The following B3GALT1 variants were observed in gnomAD, a reference collection of about 807,000 sequenced individuals.
The protein encoded by B3GALT1 is UDP-Gal:betaGlcNAc beta 1,3-galactosyltransferase, polypeptide 1.
In B3GALT1, 10 loss-of-function variants were observed where a neutral mutation model predicts 23.2. The observed-to-expected ratio is 0.43, with a 90% CI of 0.27 to 0.73. B3GALT1 has a LOEUF of 0.73. B3GALT1 is among the 30% of genes least tolerant of loss of function. The pLI, the probability that B3GALT1 is intolerant of heterozygous loss-of-function variation, is 0.21. For missense variants in B3GALT1, 299 were observed against 405.4 expected (o/e 0.74, Z 2.25); for synonymous variants, 156 against 141.5 (o/e 1.10, Z -0.73).
In B3GALT1 at chr2:167,512,582, A is replaced by ATATATATATG. The variant is rs1558887759; in HGVS notation, c.-410+22307_-410+22316dup. The stretch of plus-strand genomic sequence containing the variant: ...TATATATATATGTATATATATATGT[A>ATATATATATG]TATATATATGTGTATATATATATAT... On this transcript the variant is annotated intron_variant, in intron 2 of 4. Transcript: ENST00000392690. 1.1e-4 allele frequency among the ~76,000 whole-genome samples: 8 copies of ATATATATATG among 75,346 alleles called. 1 individual carries two copies. The highest frequency in any genetic ancestry group is 5.0e-4 in the African/African-American group (8 of 15,924). 49.4% of individuals were successfully genotyped at this position (75,346 alleles called of 152,430 possible). A position where few individuals can be genotyped will look rare whatever the true frequency, so the allele number is the denominator to read the frequency against.
rs117435348 is a variant in B3GALT1 at position 167,418,387 on chromosome 2, T to G, written c.-510-71790T>G. ...TCTTAGGGGAAGCAGAGGTAGGGGC[T>G]TAAGGCATGTGTGGGGAAAGGATGA... On this transcript the variant is annotated intron_variant, in intron 1 of 4. Coordinates refer to ENST00000392690, the MANE Select transcript of B3GALT1 (RefSeq NM_020981.4). Among the ~76,000 whole-genome samples the G allele has an allele frequency of 4.8e-3, 724 of 152,078 alleles. 6 individuals carry two copies. Among genetic ancestry groups the G allele is most frequent in the East Asian group, 0.017 (90 of 5,152 alleles).
rs187721465 is a variant in B3GALT1 at position 167,545,219 on chromosome 2, T to G, written c.-410+54942T>G. On this transcript the variant is annotated intron_variant, in intron 2 of 4. Coordinates refer to ENST00000392690, the MANE Select transcript of B3GALT1 (RefSeq NM_020981.4). ...CCGGCTAATTTTTTTGTATTTTTAG[T>G]AGAGACAGGGTTTCACTGTGTTAGC... 1.0e-3 allele frequency among the ~76,000 whole-genome samples: 154 copies of G among 151,818 alleles called. 1 individual carries two copies. Among genetic ancestry groups the G allele is most frequent in the African/African-American group, 3.6e-3 (148 of 41,390 alleles).
At chr2:167,501,295 C>T (rs1372086915) in intron 2 of B3GALT1, among the ~76,000 whole-genome samples, 1 of 151,268 alleles carries the variant, frequency 6.6e-6, no homozygotes, top group African/African-American at 2.4e-5. Flanking sequence ...TATTAAATAG[C>T]AAATGAAAGC....
intron 1 of B3GALT1, among the ~76,000 whole-genome samples, chr2:167,372,651 T>A (rs1697704625): frequency 6.6e-6 from 1 of 151,884 alleles, no homozygotes; most frequent in South Asian, 2.1e-4. Context: ...AGTTGAAAAA[T>A]TAGCATACAA....
At chr2:167,522,199 G>A (rs143419257) in intron 2 of B3GALT1, among the ~76,000 whole-genome samples, 171 of 151,838 alleles carry the variant, frequency 1.1e-3, no homozygotes, top group African/African-American at 3.9e-3. Context: ...TTTTGGTATC[G>A]TTAATAAAGT....
At chr2:167,596,081 G>C (rs980109683) in intron 2 of B3GALT1, among the ~76,000 whole-genome samples, 3 of 152,176 alleles carry the variant, frequency 2.0e-5, no homozygotes, top group African/African-American at 7.2e-5. Flanking sequence ...GGTCTCCCGA[G>C]GAGAGAAATT....
intron 3 of B3GALT1, among the ~76,000 whole-genome samples, chr2:167,792,708 T>G (rs1688457310): frequency 6.6e-6 from 1 of 152,096 alleles, no homozygotes; most frequent in South Asian, 2.1e-4. Context: ...GGAAAAATAA[T>G]GGGATTTAGT....
chr2:167,498,700 A>C (rs888951308), intron 2 of B3GALT1, among the ~76,000 whole-genome samples: 4 of 152,182 alleles, frequency 2.6e-5, no homozygotes, highest in Admixed American at 6.5e-5. Flanking sequence ...GGTAGGAGTC[A>C]TCTGGAATTT....
rs16853691 is a variant in B3GALT1, at chr2:167,515,378, C to G, written c.-410+25101C>G. Among the ~76,000 whole-genome samples the G allele has an allele frequency of 5.3e-3, 807 of 152,212 alleles. 4 individuals carry two copies. Among genetic ancestry groups the G allele is most frequent in the African/African-American group, 0.016 (654 of 41,568 alleles). On this transcript the variant is annotated intron_variant, in intron 2 of 4. Transcript: ENST00000392690. Reference sequence around the variant, plus strand: ...AACAAATACTTCAGATGGAGAAGGTCTTTACTTCAAATTGTCCTCCTATTT... The same window carrying G: ...AACAAATACTTCAGATGGAGAAGGTGTTTACTTCAAATTGTCCTCCTATTT...
chr2:167,450,325 G>T (rs917844431), intron 1 of B3GALT1, among the ~76,000 whole-genome samples: 3 of 151,860 alleles, frequency 2.0e-5, no homozygotes, highest in African/African-American at 7.3e-5. Context: ...ATCTTGGAGG[G>T]TTGTATATTT....
At chr2:167,484,503 A>T (rs906109049) in intron 1 of B3GALT1, among the ~76,000 whole-genome samples, 1 of 152,152 alleles carries the variant, frequency 6.6e-6, no homozygotes, top group African/African-American at 2.4e-5. Context: ...TTGAATCCAT[A>T]AAAGTGGGAC....
At chr2:167,585,614 C>T (rs1684573165) in intron 2 of B3GALT1, among the ~76,000 whole-genome samples, 1 of 152,108 alleles carries the variant, frequency 6.6e-6, no homozygotes, top group Admixed American at 6.5e-5. Flanking sequence ...CTTTGGAAAA[C>T]TTTTTTGCCA....
Position 167,475,595 on chromosome 2 carries a change from G to A in B3GALT1, c.-510-14582G>A, listed in dbSNP as rs142055854. ...CAACTACAAAAGATACAGCCACAGT[G>A]CCTGATAAGCACTTGGTTAAGATGG... On this transcript the variant is annotated intron_variant, in intron 1 of 4. Coordinates refer to ENST00000392690, the MANE Select transcript of B3GALT1 (RefSeq NM_020981.4). Among the ~76,000 whole-genome samples, 455 of 152,186 alleles carry A rather than the reference G, an allele frequency of 3.0e-3. 1 individual carries two copies. Among genetic ancestry groups the A allele is most frequent in the African/African-American group, 0.01 (433 of 41,520 alleles).
intron 4 of B3GALT1, among the ~76,000 whole-genome samples, chr2:167,860,250 A>AT (rs1267780395): frequency 5.9e-5 from 9 of 152,178 alleles, no homozygotes; most frequent in Non-Finnish European, 1.0e-4. Flanking sequence ...GTCATTTGAG[A>AT]TCAAAACATT....
intron 2 of B3GALT1, among the ~76,000 whole-genome samples, chr2:167,638,958 T>G (rs966437673): frequency 2.0e-5 from 3 of 152,028 alleles, no homozygotes; most frequent in Admixed American, 2.0e-4. Context: ...TGTCCCATCA[T>G]TCTGTGCTTG....
intron 1 of B3GALT1, among the ~76,000 whole-genome samples, chr2:167,411,587 G>GA (rs1203886653): frequency 1.3e-5 from 2 of 152,120 alleles, no homozygotes; most frequent in African/African-American, 2.4e-5. Context: ...TGAGGTTGTA[G>GA]AAAAGGGGAA....
chr2:167,417,015 G>C (rs959115286), intron 1 of B3GALT1, among the ~76,000 whole-genome samples: 1 of 152,004 alleles, frequency 6.6e-6, no homozygotes, highest in Non-Finnish European at 1.5e-5. Context: ...CTTTTGAGTT[G>C]GTGCCGGAAC....
intron 3 of B3GALT1, among the ~76,000 whole-genome samples, chr2:167,746,770 A>G (rs553958218): frequency 3.3e-5 from 5 of 152,308 alleles, no homozygotes; most frequent in African/African-American, 1.2e-4. Flanking sequence ...TCAACATATT[A>G]TGTGTAATAG....
intron 3 of B3GALT1, among the ~76,000 whole-genome samples, chr2:167,753,753 A>C (rs1687774840): frequency 6.6e-6 from 1 of 152,136 alleles, no homozygotes; most frequent in South Asian, 2.1e-4. Flanking sequence ...TTTCATTCAC[A>C]CTGCTTCACC....
Sources: allele counts gnomAD v4.1 joint callset (sites outside exome capture counted in the v4.1 genomes callset), GRCh38; gene constraint gnomAD v4.1.1; transcripts MANE v1.5; gene names NCBI Gene and HGNC (gene_info 2026-07-23, HGNC 2026-07-21).